The following TBC1D9 variants were observed in gnomAD, a reference collection of about 807,000 sequenced individuals.
TBC1D9 encodes TBC1 domain family member 9, also known as TBC1 domain family member 9A.
TBC1D9 carries 63 observed loss-of-function variants against 132.0 expected under a neutral mutation model. The observed-to-expected ratio is 0.48, with a 90% CI of 0.39 to 0.59. TBC1D9 has a LOEUF of 0.59. Among genes scored for constraint, TBC1D9 ranks in the 20% least tolerant of loss-of-function variants. The pLI, the probability that TBC1D9 is intolerant of heterozygous loss-of-function variation, is 0.00. For missense variants in TBC1D9, 1,261 were observed against 1,592.7 expected (o/e 0.79, Z 3.54); for synonymous variants, 610 against 609.9 (o/e 1.00, Z 0.00).
At chr4:140,737,266 G>C (rs962115239) in intron 1 of TBC1D9, among the ~76,000 whole-genome samples, 2 of 152,114 alleles carry the variant, frequency 1.3e-5, no homozygotes, top group East Asian at 3.9e-4. Flanking sequence ...CCTAGTGAGG[G>C]GCCCCTGAGC....
chr4:140,624,949 G>T (rs1184308262), intron 18 of TBC1D9, among the ~76,000 whole-genome samples: 1 of 152,160 alleles, frequency 6.6e-6, no homozygotes, highest in African/African-American at 2.4e-5. Context: ...CTACTCGGGA[G>T]ACTGAGGCAG....
chr4:140,698,849 C>A (rs1326218068), intron 2 of TBC1D9, among the ~76,000 whole-genome samples: 1 of 152,164 alleles, frequency 6.6e-6, no homozygotes, highest in African/African-American at 2.4e-5. Flanking sequence ...GAAATCACAC[C>A]CAGATAACCT....
intron 9 of TBC1D9, 111 bp downstream of exon 9, chr4:140,668,806 T>C: frequency 2.7e-6 from 3 of 1,103,856 alleles, no homozygotes; most frequent in Non-Finnish European, 3.8e-6. Context: ...AGCTTTCAAC[T>C]GGGGGATGCA....
intron 13 of TBC1D9, among the ~76,000 whole-genome samples, chr4:140,651,507 G>T (rs879381503): frequency 1.3e-5 from 2 of 151,472 alleles, no homozygotes; most frequent in Admixed American, 1.3e-4. Flanking sequence ...TTATAACTGA[G>T]ATTCCATTAA....
chr4:140,686,113 C>A (rs184261992), intron 3 of TBC1D9, among the ~76,000 whole-genome samples: 40 of 152,032 alleles, frequency 2.6e-4, no homozygotes, highest in African/African-American at 9.4e-4. Flanking sequence ...TGTAAAATAT[C>A]ATGTTATCAA....
chr4:140,742,045 A>G (rs2111078856), intron 1 of TBC1D9, among the ~76,000 whole-genome samples: 1 of 152,286 alleles, frequency 6.6e-6, no homozygotes, highest in East Asian at 1.9e-4. Context: ...AAATCAAGCT[A>G]TAACTCAATG....
At chr4:140,642,822 G>A (rs1042985469) in intron 13 of TBC1D9, 1 of 602,076 alleles carries the variant, frequency 1.7e-6, no homozygotes, top group Admixed American at 2.9e-5. Context: ...CCCCTCTTGC[G>A]GGCGGGCGAC....
At chr4:140,686,295 T>C (rs762994042) in intron 3 of TBC1D9, 49 bp downstream of exon 3, 2 of 1,187,952 alleles carry the variant, frequency 1.7e-6, no homozygotes, top group Non-Finnish European at 2.5e-6. Flanking sequence ...AACATTTCTG[T>C]AAATTTGAAA....
chr4:140,726,106 T>C (rs10001070), intron 1 of TBC1D9, among the ~76,000 whole-genome samples: 7,311 of 152,070 alleles, frequency 0.048, 210 homozygotes, highest in Middle Eastern at 0.1. Context: ...CTGGCCAATA[T>C]GGCAAAACCC....
intron 3 of TBC1D9, among the ~76,000 whole-genome samples, chr4:140,682,949 C>T (rs113125326): frequency 0.041 from 6,221 of 152,234 alleles, 155 homozygotes; most frequent in Middle Eastern, 0.1. Flanking sequence ...TGCAATAGCT[C>T]GATCTTAGCT....
At chr4:140,746,717 G>A (rs993816661) in intron 1 of TBC1D9, among the ~76,000 whole-genome samples, 4 of 152,190 alleles carry the variant, frequency 2.6e-5, no homozygotes, top group African/African-American at 4.8e-5. Flanking sequence ...CAGATCTCGT[G>A]AGACTTATTC....
chr4:140,628,233 C>T (rs1186024070), intron 17 of TBC1D9, 67 bp downstream of exon 17: 3 of 1,443,396 alleles, frequency 2.1e-6, no homozygotes, highest in South Asian at 1.1e-5. Context: ...CAGGTTACAC[C>T]TAAAACAGAG....
chr4:140,685,813 T>C (rs1737770546), intron 3 of TBC1D9, among the ~76,000 whole-genome samples: 1 of 152,178 alleles, frequency 6.6e-6, no homozygotes, highest in Admixed American at 6.5e-5. Flanking sequence ...AGTAGAATGA[T>C]AGATTCCAGA....
At chr4:140,646,098 C>T (rs763135506) in intron 13 of TBC1D9, among the ~76,000 whole-genome samples, 2 of 152,212 alleles carry the variant, frequency 1.3e-5, no homozygotes, top group African/African-American at 4.8e-5. Context: ...GAGGACAGTG[C>T]TGATTCACAT....
At position 140,679,332 on chromosome 4, in the gene TBC1D9, C is replaced by T. The variant is rs767578171; in HGVS notation, c.590-129G>A. ...AGTTTATAATACCATATTTGTTTTG[C>T]TTGTTCATTTTAAGAGGTAAATCTG... On this transcript the variant is annotated intron_variant, in intron 4 of 20. Transcript: ENST00000442267. 259 of 1,053,726 alleles carry T rather than the reference C, an allele frequency of 2.5e-4. 1 individual carries two copies. The highest frequency in any genetic ancestry group is 5.2e-4 in the Admixed American group (20 of 38,772). The allele number at this position is 1,053,726 out of a possible 1,614,324, so 65.3% of individuals were successfully genotyped here.
rs563665831 is a variant in TBC1D9, at chr4:140,634,146, C to A, written c.2548G>T (p.Ala850Ser). 2 of 1,613,826 alleles carry A rather than the reference C, an allele frequency of 1.2e-6. No homozygotes were observed. Among genetic ancestry groups the A allele is most frequent in the South Asian group, 1.1e-5 (1 of 91,078 alleles). ...TSCYWGGSSN[A>S]LDRHDPSLPY... ...AGGCTGGGGTCATGCCGGTCCAGCG[C>A]GTTGCTGCTCCCGCCCCAGTAGCAG... Residue 850 changes from alanine to serine, a missense_variant, in exon 16 of 21, where the codon GCG (alanine) becomes TCG (serine). Coordinates refer to ENST00000442267, the MANE Select transcript of TBC1D9 (RefSeq NM_015130.3).
chr4:140,729,441 G>T (rs1454731440), intron 1 of TBC1D9, among the ~76,000 whole-genome samples: 1 of 152,074 alleles, frequency 6.6e-6, no homozygotes, highest in Non-Finnish European at 1.5e-5. Context: ...CCCCATGGAG[G>T]CACCAGGGAG....
chr4:140,702,033 C>T (rs767979982), intron 1 of TBC1D9, among the ~76,000 whole-genome samples: 1 of 152,170 alleles, frequency 6.6e-6, no homozygotes, highest in Admixed American at 6.5e-5. Flanking sequence ...TGCTTTGGTA[C>T]TGTGTTTAGA....
Position 140,622,794 on chromosome 4 carries a change from T to G in TBC1D9, c.3202A>C (p.Lys1068Gln). 6.2e-7 allele frequency: 1 copy of G among 1,602,612 alleles called. No homozygotes were observed. Among genetic ancestry groups the G allele is most frequent in the Non-Finnish European group, 8.5e-7 (1 of 1,178,892 alleles). The change falls in exon 21 of 21, where the codon AAG (lysine) becomes CAG (glutamine). Residue 1068 changes from lysine (K) to glutamine (Q), a missense_variant. Transcript: ENST00000442267. ...TTTGCAGGCTGGGCCACGAACAACT[T>G]GCCGACCTCCCCAATCTCCAGCAGG... The part of the protein sequence containing the change: ...SLLLEIGEVG[K>Q]LFVAQPAKEG...
Sources: allele counts gnomAD v4.1 joint callset (sites outside exome capture counted in the v4.1 genomes callset), GRCh38; gene constraint gnomAD v4.1.1; transcripts MANE v1.5; gene names NCBI Gene and HGNC (gene_info 2026-07-23, HGNC 2026-07-21).